Variants in ZNF483 observed in about 807,000 individuals in gnomAD.
ZNF483 encodes zinc finger protein HIT-10.
ZNF483 carries 9 observed loss-of-function variants against 28.6 expected under a neutral mutation model. The observed-to-expected ratio is 0.32, with a 90% CI of 0.19 to 0.55. The LOEUF is 0.55. Ranked by LOEUF, ZNF483 falls within the 20% of genes least tolerant of loss-of-function variation. The probability of loss-of-function intolerance (pLI) is 0.93; values close to 1 mark genes in which losing one functional copy is unlikely to be tolerated. For synonymous variants in ZNF483, 322 were observed against 306.2 expected (o/e 1.05, Z -0.54); for missense variants, 675 against 871.7 (o/e 0.77, Z 2.84).
rs1275533572 is a variant in ZNF483, at chr9:111,552,061, C to A, written c.*8891C>A. ...GTCTAGCCAGGTCACAAGTTTTTCC[C>A]ATTTTAGGAGCTTCAAATTTAGCTT... is the stretch of plus-strand genomic sequence containing the variant. On this transcript the variant is annotated 3_prime_UTR_variant, in exon 6 of 6. Coordinates refer to ENST00000309235, the MANE Select transcript of ZNF483 (RefSeq NM_133464.5). 6.6e-6 allele frequency among the ~76,000 whole-genome samples: 1 copy of A among 152,140 alleles called. No homozygotes were observed. Among genetic ancestry groups the A allele is most frequent in the Non-Finnish European group, 1.5e-5 (1 of 68,014 alleles).
At chr9:111,538,681 A>G (rs1827584262) in intron 5 of ZNF483, among the ~76,000 whole-genome samples, 1 of 152,188 alleles carries the variant, frequency 6.6e-6, no homozygotes, top group South Asian at 2.1e-4. Context: ...GTATAAATAT[A>G]TGTCCCTTCC....
chr9:111,543,896 G>A lies in ZNF483; in HGVS notation c.*726G>A, dbSNP rs376280533. ...CACTTTCCTGAGTAGCTGACATTAC[G>A]GGTACACTCCATCAAGCCTGGTTCC... On this transcript the variant is annotated 3_prime_UTR_variant, in exon 6 of 6. Transcript: ENST00000309235. 93 of 983,744 alleles carry A rather than the reference G, an allele frequency of 9.5e-5. No individual in the cohort carries two copies. The South Asian group carries it at 1.8e-3, about 19-fold the overall frequency. 60.9% of individuals were successfully genotyped at this position (983,744 alleles called of 1,614,324 possible). A position where few individuals can be genotyped will look rare whatever the true frequency, so the allele number is the denominator to read the frequency against.
chr9:111,534,161 T>C, intron 4 of ZNF483, 100 bp from the exon 5 acceptor site: 1 of 1,048,264 alleles, frequency 9.5e-7, no homozygotes, highest in Non-Finnish European at 1.4e-6. Flanking sequence ...TTTGGTAGCA[T>C]GTTTTTATCT....
intron 2 of ZNF483, 63 bp from the exon 3 acceptor site, chr9:111,530,812 T>TATAA (rs1827323412): frequency 5.6e-6 from 1 of 178,762 alleles, no homozygotes. Context: ...CATATATATA[T>TATAA]ATAAGATTTT....
intron 5 of ZNF483, among the ~76,000 whole-genome samples, chr9:111,538,768 G>A: frequency 6.6e-6 from 1 of 151,882 alleles, no homozygotes; most frequent in South Asian, 2.1e-4. Context: ...ACACACCAGA[G>A]AAAAAAGTTT....
At chr9:111,536,196 T>TTA (rs951202150) in intron 5 of ZNF483, among the ~76,000 whole-genome samples, 13 of 151,050 alleles carry the variant, frequency 8.6e-5, no homozygotes, top group African/African-American at 1.9e-4. Flanking sequence ...CGGCCACAAT[T>TTA]TATATATATA....
At chr9:111,531,802 C>T (rs1827353665) in intron 3 of ZNF483, among the ~76,000 whole-genome samples, 1 of 152,218 alleles carries the variant, frequency 6.6e-6, no homozygotes, top group Non-Finnish European at 1.5e-5. Flanking sequence ...CCTCCTCAGC[C>T]TCATGAGTAG....
At chr9:111,575,425 T>C (rs1372257036) in intron 5 of ZNF483, 1 of 152,280 alleles carries the variant, frequency 6.6e-6, no homozygotes, top group Non-Finnish European at 1.5e-5. Flanking sequence ...AACCTCATTG[T>C]CTTATAATTT....
exon 6 of ZNF483, chr9:111,576,473 A>G (rs1829060329): frequency 1.2e-6 from 2 of 1,609,378 alleles, no homozygotes; most frequent in Admixed American, 1.7e-5. Context: ...GGATGGGGCC[A>G]CTGCAGTGCA....
chr9:111,528,780 C>T (rs1472947073), intron 2 of ZNF483, among the ~76,000 whole-genome samples: 3 of 151,988 alleles, frequency 2.0e-5, no homozygotes, highest in African/African-American at 7.3e-5. Context: ...TTCCTGACTC[C>T]TCTGTGATTT....
rs1027067039 is a variant in ZNF483, at chr9:111,544,235, C to G, written c.*1065C>G. The stretch of plus-strand genomic sequence containing the variant: ...GGATGGATTTTGGTTTGCAAAAATT[C>G]TACTTTAAAACAATTTTGCCTGTAG... On this transcript the variant is annotated 3_prime_UTR_variant, in exon 6 of 6. Coordinates refer to ENST00000309235, the MANE Select transcript of ZNF483 (RefSeq NM_133464.5). 1.1e-5 allele frequency: 11 copies of G among 985,324 alleles called. No homozygotes were observed. Among genetic ancestry groups the G allele is most frequent in the South Asian group, 4.7e-5 (1 of 21,282 alleles). 61.0% of individuals were successfully genotyped at this position (985,324 alleles called of 1,614,324 possible).
At chr9:111,571,177 C>T (rs946625997) in intron 5 of ZNF483, among the ~76,000 whole-genome samples, 6 of 149,514 alleles carry the variant, frequency 4.0e-5, no homozygotes, top group African/African-American at 1.2e-4. Context: ...TTTGGGAGGC[C>T]GAGGCAGGCA....
Position 111,541,885 on chromosome 9 carries a change from TAATTAA to T in ZNF483, c.952_957del (p.Ile318_Lys319del), listed in dbSNP as rs1286538240. 1 of 1,613,962 alleles carries T rather than the reference TAATTAA, an allele frequency of 6.2e-7. No individual in the cohort carries two copies. Among genetic ancestry groups the T allele is most frequent in the Non-Finnish European group, 8.5e-7 (1 of 1,179,972 alleles). On this transcript the variant is annotated inframe_deletion, in exon 6 of 6. Coordinates refer to ENST00000309235, the MANE Select transcript of ZNF483 (RefSeq NM_133464.5). ...CATAATTTCAAAGAAACTTCAGACT[TAATTAA>T]ACATCTGAGAGTCTACTTGAGGAAG...
At chr9:111,571,327 G>A (rs1017561014) in intron 5 of ZNF483, among the ~76,000 whole-genome samples, 2 of 149,620 alleles carry the variant, frequency 1.3e-5, no homozygotes, top group Non-Finnish European at 3.0e-5. Context: ...CAGGAGAATC[G>A]CTTGAAGTCG....
chr9:111,539,512 C>G (rs953156164), intron 5 of ZNF483: 3 of 452,466 alleles, frequency 6.6e-6, no homozygotes, highest in Non-Finnish European at 1.3e-5. Context: ...GCCTGTAATC[C>G]CAGCACTTTG....
At chr9:111,536,817 A>G in intron 5 of ZNF483, among the ~76,000 whole-genome samples, 1 of 152,318 alleles carries the variant, frequency 6.6e-6, no homozygotes, top group East Asian at 1.9e-4. Context: ...CATAAACATA[A>G]TTACATATGT....
At chr9:111,560,964 TATATATATATAGAGAGAGAG>T (rs1177799798) in intron 5 of ZNF483, among the ~76,000 whole-genome samples, 4 of 48,488 alleles carry the variant, frequency 8.2e-5, no homozygotes, top group East Asian at 6.4e-4. Context: ...TATATATATA[TATATATATATAGAGAGAGAG>T]AGAGAGAGAG....
At chr9:111,539,396 C>T (rs1041044143) in intron 5 of ZNF483, 3 of 455,604 alleles carry the variant, frequency 6.6e-6, no homozygotes, top group Non-Finnish European at 1.3e-5. Context: ...GCAGTATAAC[C>T]TTTCTACCCT....
At chr9:111,561,110 T>TATATATATATAGAGAG (rs1457364862) in intron 5 of ZNF483, among the ~76,000 whole-genome samples, 3 of 19,198 alleles carry the variant, frequency 1.6e-4, no homozygotes, top group Non-Finnish European at 2.5e-4. Flanking sequence ...TATATATATA[T>TATATATATATAGAGAG]AGAGAGAGAG....
Sources: allele counts gnomAD v4.1 joint callset (sites outside exome capture counted in the v4.1 genomes callset), GRCh38; gene constraint gnomAD v4.1.1; transcripts MANE v1.5; gene names NCBI Gene and HGNC (gene_info 2026-07-23, HGNC 2026-07-21).